Variants in TRAF3 observed in about 807,000 individuals in gnomAD.
TRAF3 encodes TNF receptor associated factor 3.
Under a neutral mutation model 62.3 loss-of-function variants are expected in TRAF3, and 13 were observed. The ratio of observed to expected loss-of-function variants is 0.21; its 90% confidence interval spans 0.14 to 0.33. The LOEUF is 0.33. Among genes scored for constraint, TRAF3 ranks in the 10% least tolerant of loss-of-function variants. The pLI is 1.00. For synonymous variants in TRAF3, 269 were observed against 283.4 expected, an observed-to-expected ratio of 0.95 and a Z score of 0.51; for missense variants, 440 against 741.8, an observed-to-expected ratio of 0.59 and a Z score of 4.73.
intron 1 of TRAF3, among the ~76,000 whole-genome samples, chr14:102,829,485 T>A (rs1900528137): frequency 6.6e-6 from 1 of 152,202 alleles, no homozygotes; most frequent in Non-Finnish European, 1.5e-5. Context: ...AGCCTGTGTG[T>A]GTGTGATGAC....
intron 1 of TRAF3, among the ~76,000 whole-genome samples, chr14:102,829,333 A>G (rs988739954): frequency 6.6e-6 from 1 of 152,234 alleles, no homozygotes. Flanking sequence ...TCAGCTTTCC[A>G]TATGAAGCAC....
chr14:102,850,724 C>T (rs189025918), intron 2 of TRAF3, among the ~76,000 whole-genome samples: 67 of 150,556 alleles, frequency 4.5e-4, no homozygotes, highest in Non-Finnish European at 8.0e-4. Context: ...TTACAGCGCT[C>T]AGAGTGCCAG....
At chr14:102,860,935 A>G (rs1413264435) in intron 2 of TRAF3, among the ~76,000 whole-genome samples, 4 of 152,260 alleles carry the variant, frequency 2.6e-5, no homozygotes, top group African/African-American at 9.6e-5. Context: ...TACAAGGTCA[A>G]GCTCTCAGGG....
At chr14:102,846,623 G>A in intron 2 of TRAF3, among the ~76,000 whole-genome samples, 1 of 134,144 alleles carries the variant, frequency 7.5e-6, no homozygotes, top group East Asian at 2.2e-4. Context: ...GGCAACACAG[G>A]GAGATCCAGC....
intron 9 of TRAF3, among the ~76,000 whole-genome samples, chr14:102,895,683 C>A (rs1251699204): frequency 6.6e-6 from 1 of 152,222 alleles, no homozygotes; most frequent in Non-Finnish European, 1.5e-5. Context: ...TTGTAAAAAT[C>A]TTGTGAGAAA....
chr14:102,882,547 A>T (rs1889126267), intron 6 of TRAF3, among the ~76,000 whole-genome samples: 1 of 145,648 alleles, frequency 6.9e-6, no homozygotes, highest in Non-Finnish European at 1.5e-5. Context: ...CAGTGATGTG[A>T]TTTAATTCCC....
chr14:102,845,087 A>G (rs896274939), intron 2 of TRAF3, among the ~76,000 whole-genome samples: 2 of 151,666 alleles, frequency 1.3e-5, no homozygotes, highest in African/African-American at 2.4e-5. Context: ...TAGTAGAGAC[A>G]GGGTTTCACT....
chr14:102,837,110 C>T (rs1005465093), intron 2 of TRAF3, among the ~76,000 whole-genome samples: 2 of 140,168 alleles, frequency 1.4e-5, no homozygotes, highest in Admixed American at 1.4e-4. Flanking sequence ...AGAAATTAAG[C>T]AAGTAATTTG....
chr14:102,869,171 G>A (rs1277950511), intron 2 of TRAF3, among the ~76,000 whole-genome samples: 1 of 152,192 alleles, frequency 6.6e-6, no homozygotes, highest in Non-Finnish European at 1.5e-5. Flanking sequence ...GTCCACAACG[G>A]GCCCACTCCA....
chr14:102,786,340 A>G (rs2140069246), intron 1 of TRAF3, among the ~76,000 whole-genome samples: 1 of 152,298 alleles, frequency 6.6e-6, no homozygotes, highest in East Asian at 1.9e-4. Flanking sequence ...AAATGATTAC[A>G]ATGATAAATT....
At chr14:102,891,675 A>G (rs1372033862) in intron 9 of TRAF3, among the ~76,000 whole-genome samples, 1 of 151,990 alleles carries the variant, frequency 6.6e-6, no homozygotes, top group Non-Finnish European at 1.5e-5. Context: ...CATCCAGCAC[A>G]GAGATGATCA....
At chr14:102,859,807 C>A (rs1887579024) in intron 2 of TRAF3, among the ~76,000 whole-genome samples, 1 of 152,122 alleles carries the variant, frequency 6.6e-6, no homozygotes, top group African/African-American at 2.4e-5. Context: ...TTTTCCTTTG[C>A]CAGTTTCTTA....
chr14:102,800,708 T>C (rs1174139196), intron 1 of TRAF3, among the ~76,000 whole-genome samples: 2 of 149,752 alleles, frequency 1.3e-5, no homozygotes, highest in East Asian at 3.9e-4. Context: ...TTTTTTTTTT[T>C]TTTTTTTGAG....
intron 6 of TRAF3, among the ~76,000 whole-genome samples, chr14:102,876,969 G>A (rs556752320): frequency 2.3e-4 from 33 of 143,544 alleles, no homozygotes; most frequent in Non-Finnish European, 4.1e-4. Flanking sequence ...TAGATAATCC[G>A]TTCCACAGGC....
intron 1 of TRAF3, among the ~76,000 whole-genome samples, chr14:102,811,728 AG>A (rs1273156808): frequency 7.2e-6 from 1 of 138,540 alleles, no homozygotes; most frequent in Non-Finnish European, 1.5e-5. Flanking sequence ...CTACAGCAGT[AG>A]TGTGTGTGTG....
chr14:102,880,823 A>G (rs956335550), intron 6 of TRAF3, among the ~76,000 whole-genome samples: 1 of 152,236 alleles, frequency 6.6e-6, no homozygotes, highest in African/African-American at 2.4e-5. Context: ...TACGCCTATA[A>G]TCGCAGCACT....
chr14:102,805,187 T>G (rs2139483210), intron 1 of TRAF3, among the ~76,000 whole-genome samples: 1 of 152,350 alleles, frequency 6.6e-6, no homozygotes, highest in Non-Finnish European at 1.5e-5. Context: ...CATTTTACTC[T>G]GGACACCCCA....
chr14:102,783,061 G>A (rs1203374173), intron 1 of TRAF3, among the ~76,000 whole-genome samples: 2 of 152,156 alleles, frequency 1.3e-5, no homozygotes, highest in Admixed American at 6.5e-5. Flanking sequence ...AGGTAATGAG[G>A]TGCTCGTTAG....
intron 2 of TRAF3, among the ~76,000 whole-genome samples, chr14:102,855,763 T>C (rs1234287830): frequency 6.8e-6 from 1 of 147,164 alleles, no homozygotes; most frequent in Non-Finnish European, 1.5e-5. Flanking sequence ...GCCACCGCAC[T>C]CCAGCTTGGG....
Sources: gnomAD v4.1 joint callset for allele counts (sites outside exome capture counted in the v4.1 genomes callset) on GRCh38, gnomAD v4.1.1 for gene constraint, MANE v1.5 for transcripts, NCBI Gene and HGNC (gene_info 2026-07-23, HGNC 2026-07-21) for gene names.